Variants in FLACC1 observed in about 807,000 individuals in gnomAD.
The protein encoded by FLACC1 is flagellum-associated coiled-coil domain-containing protein 1.
Under a neutral mutation model 62.8 loss-of-function variants are expected in FLACC1, and 66 were observed. That is an observed-to-expected ratio of 1.05 (90% CI 0.86 to 1.29). The LOEUF is 1.29. FLACC1 is among the 50% of genes most tolerant of loss of function. The pLI is 0.00. For synonymous variants in FLACC1, 156 were observed against 161.0 expected (o/e 0.97, Z 0.24); for missense variants, 452 against 489.1 (o/e 0.92, Z 0.71).
chr2:201,337,798 C>T (rs1347573457), intron 7 of FLACC1, among the ~76,000 whole-genome samples: 1 of 152,184 alleles, frequency 6.6e-6, no homozygotes, highest in Non-Finnish European at 1.5e-5. Context: ...GCTGGGATTA[C>T]AGGTGTGAGT....
intron 2 of FLACC1, 56 bp from the exon 3 acceptor site, chr2:201,350,838 T>A: frequency 1.4e-6 from 2 of 1,467,928 alleles, no homozygotes; most frequent in South Asian, 2.3e-5. Flanking sequence ...GGAAACCCTT[T>A]TTAACACTCC....
At chr2:201,352,242 G>C (rs190431614) in intron 1 of FLACC1, among the ~76,000 whole-genome samples, 1 of 152,272 alleles carries the variant, frequency 6.6e-6, no homozygotes, top group East Asian at 1.9e-4. Flanking sequence ...TGGAAAATTA[G>C]TTCTGCTGCT....
intron 7 of FLACC1, among the ~76,000 whole-genome samples, chr2:201,331,146 T>A (rs1950586910): frequency 6.6e-6 from 1 of 151,894 alleles, no homozygotes. Flanking sequence ...TTTTTTAATT[T>A]TTTGTAGAGA....
At chr2:201,328,711 C>T (rs1950540129) in intron 9 of FLACC1, among the ~76,000 whole-genome samples, 1 of 152,220 alleles carries the variant, frequency 6.6e-6, no homozygotes, top group South Asian at 2.1e-4. Flanking sequence ...CAGGCATCAG[C>T]CACAGCACCG....
chr2:201,361,706 A>T (rs1291499325), upstream of FLACC1, among the ~76,000 whole-genome samples: 1 of 152,186 alleles, frequency 6.6e-6, no homozygotes, highest in Non-Finnish European at 1.5e-5. Context: ...ATGAAATTAA[A>T]ATACTCCATA....
chr2:201,346,718 T>A lies in FLACC1; in HGVS notation c.235-43A>T. ...GTAAGATAAAATGGCAGACTTGGAG[T>A]GCTGAGATTTTTCCAAATCTTCTCT... On this transcript the variant is annotated intron_variant, in intron 4 of 14. Coordinates refer to ENST00000392257, the MANE Select transcript of FLACC1 (RefSeq NM_001127391.3). The surrounding 1 kb of genome is among the most constrained non-coding windows in gnomAD (Gnocchi z 4.0). 1 of 1,611,708 alleles carries A rather than the reference T, an allele frequency of 6.2e-7. No homozygotes were observed. The highest frequency in any genetic ancestry group is 8.5e-7 in the Non-Finnish European group (1 of 1,179,202).
intron 9 of FLACC1, among the ~76,000 whole-genome samples, chr2:201,310,320 G>T (rs1950194549): frequency 6.6e-6 from 1 of 152,128 alleles, no homozygotes; most frequent in Non-Finnish European, 1.5e-5. Flanking sequence ...ATTGTAAGTG[G>T]TAAATAGAAC....
chr2:201,344,100 C>A, intron 6 of FLACC1, 70 bp downstream of exon 6: 2 of 1,404,380 alleles, frequency 1.4e-6, no homozygotes, highest in Admixed American at 1.8e-5. Flanking sequence ...TTTTGCCTGG[C>A]ACATAGGTGA....
Position 201,337,891 on chromosome 2 carries a change from C to T in FLACC1, c.524+4479G>A, listed in dbSNP as rs141647109. Among the ~76,000 whole-genome samples the T allele has an allele frequency of 4.5e-3, 688 of 152,230 alleles. 5 individuals carry two copies. Among genetic ancestry groups the T allele is most frequent in the African/African-American group, 0.015 (637 of 41,524 alleles). On this transcript the variant is annotated intron_variant, in intron 7 of 14. Transcript: ENST00000392257. ...TTTTTTCCCCACAGGATTGCTTTGG[C>T]TATTCTGGCTCATCTTTTGTTCCAT...
intron 12 of FLACC1, among the ~76,000 whole-genome samples, chr2:201,291,094 C>G (rs543428259): frequency 6.6e-6 from 1 of 152,234 alleles, no homozygotes; most frequent in Non-Finnish European, 1.5e-5. Context: ...TAGACTCCAC[C>G]TCTGGGGGCA....
At chr2:201,314,028 A>G (rs1950265183) in intron 9 of FLACC1, among the ~76,000 whole-genome samples, 1 of 152,180 alleles carries the variant, frequency 6.6e-6, no homozygotes, top group Admixed American at 6.5e-5. Flanking sequence ...GTACTACATC[A>G]AGAGAACACG....
intron 3 of FLACC1, among the ~76,000 whole-genome samples, chr2:201,350,175 A>G (rs1950996167): frequency 6.6e-6 from 1 of 152,174 alleles, no homozygotes; most frequent in Non-Finnish European, 1.5e-5. Flanking sequence ...ACTTAAGGTC[A>G]GGAGTTCCAG....
At chr2:201,323,574 C>T (rs1950443900) in intron 9 of FLACC1, among the ~76,000 whole-genome samples, 1 of 151,960 alleles carries the variant, frequency 6.6e-6, no homozygotes, top group Non-Finnish European at 1.5e-5. Context: ...GCAAACCAAA[C>T]TACAAGAAAT....
upstream of FLACC1, among the ~76,000 whole-genome samples, chr2:201,358,486 G>A (rs1227256574): frequency 2.1e-5 from 3 of 145,402 alleles, no homozygotes; most frequent in East Asian, 6.0e-4. Flanking sequence ...GCGGGATCTC[G>A]GCTCACTGCA....
intron 12 of FLACC1, among the ~76,000 whole-genome samples, chr2:201,298,265 A>G: frequency 6.6e-6 from 1 of 152,216 alleles, no homozygotes; most frequent in East Asian, 1.9e-4. Context: ...GTTCTGCCCA[A>G]CGAAGCTTAA....
chr2:201,300,146 C>T (rs879431896), intron 11 of FLACC1, among the ~76,000 whole-genome samples: 41 of 152,184 alleles, frequency 2.7e-4, no homozygotes, highest in Non-Finnish European at 5.4e-4. Flanking sequence ...CTGGGAAGCG[C>T]GAGGGGTCAG....
Position 201,351,324 on chromosome 2 carries a change from T to G in FLACC1, c.81A>C (p.Gln27His). Reference sequence around the variant, plus strand: ...TCCCTGTGGAGTTCTTGCGTGGTAGTTGAGGGGTCTTGATTAGCTTCCGTG... The same window carrying G: ...TCCCTGTGGAGTTCTTGCGTGGTAGGTGAGGGGTCTTGATTAGCTTCCGTG... ...LGPRKLIKTPQLPRKNSTGSS... is the reference protein window; with the variant it reads ...LGPRKLIKTPHLPRKNSTGSS... The change falls in exon 2 of 15, where the codon CAA becomes CAC. Residue 27 changes from glutamine (Q) to histidine (H), a missense_variant. Gln to His is a conservative substitution (Grantham distance 24, BLOSUM62 0). Around this residue, in one of 3 missense-constraint regions of FLACC1, gnomAD observed 147 missense variants for 152.7 expected, o/e 0.96. Coordinates refer to ENST00000392257, the MANE Select transcript of FLACC1 (RefSeq NM_001127391.3). 6.2e-7 allele frequency: 1 copy of G among 1,614,034 alleles called. No homozygotes were observed. Among genetic ancestry groups the G allele is most frequent in the Middle Eastern group, 1.7e-4 (1 of 6,058 alleles).
intron 7 of FLACC1, 97 bp from the exon 8 acceptor site, chr2:201,330,930 G>T: frequency 3.7e-6 from 3 of 804,402 alleles, no homozygotes; most frequent in Non-Finnish European, 5.5e-6. Context: ...CCTCCCACAG[G>T]AAGTGAGGTT....
chr2:201,342,964 C>A (rs967387879), intron 6 of FLACC1, among the ~76,000 whole-genome samples: 1 of 152,194 alleles, frequency 6.6e-6, no homozygotes, highest in Non-Finnish European at 1.5e-5. Context: ...GATCCTCTGG[C>A]CAGTGTCTCA....
Sources: gnomAD v4.1 joint callset for allele counts (sites outside exome capture counted in the v4.1 genomes callset) on GRCh38, gnomAD v4.1.1 for gene constraint, gnomAD v4.1.1 regional missense constraint, Gnocchi (gnomAD v3.1) non-coding constraint, MANE v1.5 for transcripts, NCBI Gene and HGNC (gene_info 2026-07-23, HGNC 2026-07-21) for gene names.